The following RCL1 variants were observed in gnomAD, a reference collection of about 807,000 sequenced individuals.
RCL1 encodes RNA 3'-terminal phosphate cyclase-like protein.
A neutral mutation model predicts 42.4 loss-of-function variants in RCL1; 24 were observed. The ratio of observed to expected loss-of-function variants is 0.57; its 90% CI spans 0.41 to 0.80. RCL1 has a LOEUF of 0.80. RCL1 is among the 30% of genes least tolerant of loss of function. The pLI, the probability that RCL1 is intolerant of heterozygous loss-of-function variation, is 0.00. For missense variants in RCL1, 578 were observed against 467.9 expected (o/e 1.24, Z -2.17); for synonymous variants, 228 against 177.3 (o/e 1.29, Z -2.27).
intron 4 of RCL1, 44 bp downstream of exon 4, chr9:4,833,272 AT>A: frequency 7.1e-7 from 1 of 1,413,324 alleles, no homozygotes; most frequent in Non-Finnish European, 1.0e-6. Context: ...TGTGGAAAAC[AT>A]TTTCCCACTG....
At chr9:4,817,321 C>T (rs186427340) in intron 1 of RCL1, among the ~76,000 whole-genome samples, 2 of 151,830 alleles carry the variant, frequency 1.3e-5, no homozygotes, top group African/African-American at 4.8e-5. Flanking sequence ...AATGGAGAAT[C>T]GTTTACCATA....
At chr9:4,821,660 C>T (rs1230811646) in intron 1 of RCL1, among the ~76,000 whole-genome samples, 2 of 151,898 alleles carry the variant, frequency 1.3e-5, no homozygotes, top group African/African-American at 2.4e-5. Flanking sequence ...TTTTTTCCCC[C>T]CAGAGATGGG....
chr9:4,840,965 G>T (rs993769067), intron 5 of RCL1, among the ~76,000 whole-genome samples: 1 of 152,084 alleles, frequency 6.6e-6, no homozygotes, highest in Non-Finnish European at 1.5e-5. Flanking sequence ...TAGGGGAAGC[G>T]TGTGGGTAGG....
chr9:4,819,743 G>C lies in RCL1; in HGVS notation c.137-3805G>C, dbSNP rs902246651. On this transcript the variant is annotated intron_variant, in intron 1 of 8. Coordinates refer to ENST00000381750, the MANE Select transcript of RCL1 (RefSeq NM_005772.5). Reference sequence around the variant, plus strand: ...AATCGCTTGAACCCGGGAGGCGGAGGTTGCAGTGAGCCAAGATCGCGCCAC... The same window carrying C: ...AATCGCTTGAACCCGGGAGGCGGAGCTTGCAGTGAGCCAAGATCGCGCCAC... Among the ~76,000 whole-genome samples the C allele has an allele frequency of 3.9e-5, 6 of 152,302 alleles. No homozygotes were observed. In the South Asian group the frequency reaches 1.0e-3, roughly 26 times the overall value.
At chr9:4,808,658 A>G (rs1816064129) in intron 1 of RCL1, among the ~76,000 whole-genome samples, 1 of 152,172 alleles carries the variant, frequency 6.6e-6, no homozygotes, top group African/African-American at 2.4e-5. Context: ...GAGAGGGATT[A>G]CTTTCTTCCA....
chr9:4,850,217 C>A (rs886803504), intron 8 of RCL1: 13 of 491,492 alleles, frequency 2.6e-5, no homozygotes, highest in African/African-American at 1.9e-4. Context: ...CACGTGCTTG[C>A]ATACTTGGAG....
chr9:4,799,830 G>T (rs549696636), intron 1 of RCL1, among the ~76,000 whole-genome samples: 37 of 152,298 alleles, frequency 2.4e-4, no homozygotes, highest in African/African-American at 6.7e-4. Context: ...CTTGGATGTG[G>T]TAGCCATTTC....
At chr9:4,858,194 G>A (rs187040930) in intron 8 of RCL1, among the ~76,000 whole-genome samples, 34 of 151,938 alleles carry the variant, frequency 2.2e-4, no homozygotes, top group Admixed American at 1.4e-3. Flanking sequence ...CGTTTAATTA[G>A]GTTATTTGTC....
intron 1 of RCL1, among the ~76,000 whole-genome samples, chr9:4,796,469 C>T (rs951210631): frequency 6.6e-6 from 1 of 152,184 alleles, no homozygotes; most frequent in African/African-American, 2.4e-5. Context: ...GATCATGGCT[C>T]ACTGTAGCCT....
At chr9:4,842,377 A>C (rs1198985901) in intron 6 of RCL1, among the ~76,000 whole-genome samples, 1 of 152,134 alleles carries the variant, frequency 6.6e-6, no homozygotes, top group Non-Finnish European at 1.5e-5. Flanking sequence ...GTTTTATACA[A>C]CCTTTGACCT....
chr9:4,831,543 C>G (rs1016275868), intron 3 of RCL1, among the ~76,000 whole-genome samples: 1 of 152,176 alleles, frequency 6.6e-6, no homozygotes, highest in African/African-American at 2.4e-5. Context: ...GTGGCATGAT[C>G]GTGGCTCACC....
chr9:4,842,979 C>G (rs1817386735), intron 6 of RCL1, among the ~76,000 whole-genome samples: 1 of 152,192 alleles, frequency 6.6e-6, no homozygotes, highest in Non-Finnish European at 1.5e-5. Flanking sequence ...AGAGTGTGGT[C>G]AAGTCCATAC....
At chr9:4,845,670 C>T (rs1213705919) in intron 7 of RCL1, among the ~76,000 whole-genome samples, 2 of 152,196 alleles carry the variant, frequency 1.3e-5, no homozygotes, top group East Asian at 3.8e-4. Context: ...GAAGGTGAAA[C>T]CTTTTCTCTG....
chr9:4,819,305 A>T (rs989298647), intron 1 of RCL1, among the ~76,000 whole-genome samples: 1 of 152,236 alleles, frequency 6.6e-6, no homozygotes, highest in Non-Finnish European at 1.5e-5. Flanking sequence ...TGAGAATCCA[A>T]TGCCATCACT....
intron 7 of RCL1, among the ~76,000 whole-genome samples, chr9:4,846,445 C>G (rs3780364): frequency 0.33 from 50,076 of 152,110 alleles, 8,524 homozygotes; most frequent in South Asian, 0.45. Context: ...AATCAGTTTA[C>G]TTTTTTATGC....
At chr9:4,821,329 C>T (rs1248924863) in intron 1 of RCL1, among the ~76,000 whole-genome samples, 3 of 152,124 alleles carry the variant, frequency 2.0e-5, no homozygotes, top group African/African-American at 7.2e-5. Context: ...TTGCCACTTT[C>T]TGGTCATATG....
chr9:4,796,939 A>G (rs1563824633), intron 1 of RCL1, among the ~76,000 whole-genome samples: 1 of 152,192 alleles, frequency 6.6e-6, no homozygotes, highest in Non-Finnish European at 1.5e-5. Flanking sequence ...TAGTTCTTTG[A>G]GAAATCTCCA....
At chr9:4,857,325 G>T (rs1817994971) in intron 8 of RCL1, among the ~76,000 whole-genome samples, 1 of 152,122 alleles carries the variant, frequency 6.6e-6, no homozygotes, top group Admixed American at 6.5e-5. Context: ...TTTGCCTGTT[G>T]TGGCTTTTTC....
chr9:4,793,447 C>T (rs1032452175), intron 1 of RCL1, among the ~76,000 whole-genome samples: 4 of 152,228 alleles, frequency 2.6e-5, no homozygotes, highest in African/African-American at 7.2e-5. Flanking sequence ...CTGCGCTCGG[C>T]GTCTCCGGGG....
Sources: allele counts gnomAD v4.1 joint callset (sites outside exome capture counted in the v4.1 genomes callset), GRCh38; gene constraint gnomAD v4.1.1; transcripts MANE v1.5; gene names NCBI Gene and HGNC (gene_info 2026-07-23, HGNC 2026-07-21).